Variants in EDA observed in about 807,000 individuals in gnomAD.
The protein encoded by EDA is ectodysplasin-A.
EDA carries 2 observed loss-of-function variants against 23.6 expected under a neutral mutation model. The ratio of observed to expected loss-of-function variants is 0.08; its 90% confidence interval spans 0.03 to 0.27. The LOEUF (loss-of-function observed/expected upper bound fraction) is 0.27, where lower values mean the gene tolerates loss of function less well. Ranked by LOEUF, EDA falls within the 10% of genes least tolerant of loss-of-function variation. The probability of loss-of-function intolerance (pLI) is 1.00; values close to 1 mark genes in which losing one functional copy is unlikely to be tolerated. For synonymous variants in EDA, 131 were observed against 132.0 expected (o/e 0.99, Z 0.05); for missense variants, 229 against 324.2 (o/e 0.71, Z 2.26).
chrX:69,827,959 G>C (rs951379854), intron 1 of EDA, among the ~76,000 whole-genome samples: 1 of 110,853 alleles, frequency 9.0e-6, no homozygotes, highest in African/African-American at 3.3e-5. Flanking sequence ...GTTCCTGGCC[G>C]TGTGAGGTGT....
intron 1 of EDA, among the ~76,000 whole-genome samples, chrX:69,743,328 T>C (rs2013518553): frequency 8.9e-6 from 1 of 111,951 alleles, no homozygotes; most frequent in South Asian, 3.7e-4. Context: ...GGTACAGATA[T>C]GGAAGAGGAC....
At chrX:69,857,049 C>T (rs1404731855) in intron 1 of EDA, among the ~76,000 whole-genome samples, 1 of 111,399 alleles carries the variant, frequency 9.0e-6, no homozygotes, top group African/African-American at 3.3e-5. Context: ...TTTTTTTGTA[C>T]GAGGTGGGAG....
At chrX:69,911,991 A>G (rs186744228) in intron 1 of EDA, among the ~76,000 whole-genome samples, 62 of 112,758 alleles carry the variant, frequency 5.5e-4, no homozygotes, top group African/African-American at 1.5e-3. Flanking sequence ...GTTTGATAGC[A>G]TTTTAACTAT....
chrX:69,888,978 T>TAGATATA lies in EDA; in HGVS notation c.397-68049_397-68048insAGATATA, dbSNP rs1556026049. On this transcript the variant is annotated intron_variant, in intron 1 of 7. Coordinates refer to ENST00000374552, the MANE Select transcript of EDA (RefSeq NM_001399.5). ...GTGGAATTGTTGTATTGTGGGGTAG[T>TAGATATA]TATATATATATATATATATATATAT... Among the ~76,000 whole-genome samples the TAGATATA allele has an allele frequency of 1.7e-3, 28 of 16,013 alleles. 2 individuals carry two copies. The highest frequency in any genetic ancestry group is 0.011 in the South Asian group (2 of 177). The allele number at this position is 16,013 out of a possible 115,157, so 13.9% of individuals were successfully genotyped here.
At chrX:69,623,405 T>G (rs1352196654) in intron 1 of EDA, among the ~76,000 whole-genome samples, 1 of 111,582 alleles carries the variant, frequency 9.0e-6, no homozygotes, top group East Asian at 2.8e-4. Context: ...TGCACTTCCT[T>G]GGACCTATTT....
chrX:69,629,188 C>G (rs1480914042), intron 1 of EDA, among the ~76,000 whole-genome samples: 1 of 111,879 alleles, frequency 8.9e-6, no homozygotes, highest in Non-Finnish European at 1.9e-5. Flanking sequence ...TTTATCCAGA[C>G]TGGTCCACTG....
Position 69,798,342 on chromosome X carries a change from A to G in EDA, c.397-158685A>G, listed in dbSNP as rs183701810. 1.3e-3 allele frequency among the ~76,000 whole-genome samples: 143 copies of G among 112,079 alleles called. 1 individual carries two copies. The highest frequency in any genetic ancestry group is 2.2e-3 in the Non-Finnish European group (119 of 53,116). On this transcript the variant is annotated intron_variant, in intron 1 of 7. Coordinates refer to ENST00000374552, the MANE Select transcript of EDA (RefSeq NM_001399.5). ...CTAACAGACATTTACAGAACAGTTT[A>G]TCTAACACCTACAGACTATACATTC...
chrX:69,902,580 C>G (rs2018113754), intron 1 of EDA, among the ~76,000 whole-genome samples: 1 of 111,793 alleles, frequency 8.9e-6, no homozygotes, highest in Non-Finnish European at 1.9e-5. Flanking sequence ...AGTTCCTTTT[C>G]CTCTAAAGCT....
At chrX:69,659,307 C>T (rs970595013) in intron 1 of EDA, among the ~76,000 whole-genome samples, 3 of 112,089 alleles carry the variant, frequency 2.7e-5, no homozygotes, top group African/African-American at 9.7e-5. Flanking sequence ...CGGGAACATC[C>T]TTTTGTTAAC....
chrX:69,960,658 C>CA lies in EDA; in HGVS notation c.502+3536dup, dbSNP rs567060892. Among the ~76,000 whole-genome samples, 42 of 102,504 alleles carry CA rather than the reference C, an allele frequency of 4.1e-4. 1 individual carries two copies. The highest frequency in any genetic ancestry group is 4.9e-3 in the Middle Eastern group (1 of 204). The allele number at this position is 102,504 out of a possible 115,157, so 89.0% of individuals were successfully genotyped here. A position where few individuals can be genotyped will look rare whatever the true frequency, so the allele number is the denominator to read the frequency against. On this transcript the variant is annotated intron_variant, in intron 2 of 7. Transcript: ENST00000374552. ...AAATCATAGTGGGGTGAGTTATGGC[C>CA]AAAAAAAAAATCTTATCAGGTGTTG...
intron 1 of EDA, among the ~76,000 whole-genome samples, chrX:69,688,245 G>A (rs1055534364): frequency 1.8e-5 from 2 of 111,522 alleles, no homozygotes; most frequent in African/African-American, 6.5e-5. Context: ...TACTATGGGG[G>A]AAAGAAAAGA....
intron 2 of EDA, among the ~76,000 whole-genome samples, chrX:69,979,403 A>G (rs752517442): frequency 4.7e-4 from 53 of 112,107 alleles, no homozygotes; most frequent in African/African-American, 1.6e-3. Context: ...TATCTTAGCT[A>G]TGTACCTAGA....
At chrX:70,020,169 A>G (rs966659213) in intron 2 of EDA, among the ~76,000 whole-genome samples, 2 of 111,965 alleles carry the variant, frequency 1.8e-5, no homozygotes, top group African/African-American at 6.5e-5. Flanking sequence ...TATTAGGTTT[A>G]ACTACATGTA....
intron 1 of EDA, among the ~76,000 whole-genome samples, chrX:69,780,405 A>G (rs1015480627): frequency 2.7e-5 from 3 of 111,459 alleles, no homozygotes; most frequent in Non-Finnish European, 3.8e-5. Flanking sequence ...AAATTGTACA[A>G]TTCAATAATC....
intron 1 of EDA, among the ~76,000 whole-genome samples, chrX:69,856,711 A>ATTT (rs368026991): frequency 5.5e-4 from 56 of 101,617 alleles, no homozygotes; most frequent in South Asian, 2.2e-3. Context: ...TGATGCGATT[A>ATTT]TTTTTTTTTT....
chrX:69,885,338 A>C (rs918919038), intron 1 of EDA, among the ~76,000 whole-genome samples: 9 of 112,001 alleles, frequency 8.0e-5, no homozygotes, highest in Non-Finnish European at 1.3e-4. Flanking sequence ...TTAACTATTA[A>C]ACACTAACTC....
intron 1 of EDA, among the ~76,000 whole-genome samples, chrX:69,812,039 T>C (rs972934734): frequency 2.9e-4 from 32 of 112,067 alleles, no homozygotes; most frequent in Non-Finnish European, 3.8e-5. Context: ...AATTTTCATC[T>C]CTAAAAATAA....
intron 1 of EDA, among the ~76,000 whole-genome samples, chrX:69,910,555 CTTCT>C (rs2018251506): frequency 9.1e-6 from 1 of 110,124 alleles, no homozygotes; most frequent in East Asian, 2.8e-4. Context: ...CTCTCCTCTC[CTTCT>C]AAGATTTCAA....
chrX:69,650,281 G>A (rs1419269895), intron 1 of EDA, among the ~76,000 whole-genome samples: 1 of 111,953 alleles, frequency 8.9e-6, no homozygotes, highest in Non-Finnish European at 1.9e-5. Context: ...ATTAGATATT[G>A]GATATATTAT....
Sources: gnomAD v4.1 joint callset for allele counts (sites outside exome capture counted in the v4.1 genomes callset) on GRCh38, gnomAD v4.1.1 for gene constraint, MANE v1.5 for transcripts, NCBI Gene and HGNC (gene_info 2026-07-23, HGNC 2026-07-21) for gene names.